ZSWIM6: variants seen among roughly 807,000 people sequenced by gnomAD.
ZSWIM6 encodes zinc finger SWIM domain-containing protein 6.
In ZSWIM6, 9 loss-of-function variants were observed where a neutral mutation model predicts 113.2. The observed-to-expected ratio is 0.08, with a 90% CI of 0.05 to 0.14. The LOEUF (loss-of-function observed/expected upper bound fraction) is 0.14. ZSWIM6 is among the 10% of genes least tolerant of loss of function. The pLI, the probability that ZSWIM6 is intolerant of heterozygous loss-of-function variation, is 1.00. For synonymous variants in ZSWIM6, 611 were observed against 606.5 expected (o/e 1.01, Z -0.11); for missense variants, 1,162 against 1,552.2 (o/e 0.75, Z 4.22).
chr5:61,366,445 C>CT (rs1745154247), intron 1 of ZSWIM6, among the ~76,000 whole-genome samples: 1 of 152,190 alleles, frequency 6.6e-6, no homozygotes, highest in Non-Finnish European at 1.5e-5. Context: ...GAATAAGCAA[C>CT]TCAAACTCTA....
Position 61,531,517 on chromosome 5 carries a change from A to G in ZSWIM6, c.2037A>G (p.Lys679=), listed in dbSNP as rs1356212860. 4 of 1,551,596 alleles carry G rather than the reference A, an allele frequency of 2.6e-6. No individual in the cohort carries two copies. The African/African-American group carries it at 5.5e-5, about 21-fold the overall frequency. ...SLEYQHLPAH[K]FLEEGESYLT... is the part of the protein sequence containing the mutation. ...AATACCAGCATCTACCTGCACACAA[A>G]TTCTTAGAAGAAGGGGAATCCTATT... is the stretch of plus-strand genomic sequence containing the variant. The change falls in exon 9 of 14, where the codon AAA becomes AAG. Residue 679 remains lysine (K), a synonymous_variant. Coordinates refer to ENST00000252744, the MANE Select transcript of ZSWIM6 (RefSeq NM_020928.2).
Position 61,416,987 on chromosome 5 carries a change from CAAAAAT to C in ZSWIM6, c.677-55693_677-55688del. On this transcript the variant is annotated intron_variant, in intron 1 of 13. Transcript: ENST00000252744. Reference sequence around the variant, plus strand: ...TGAAACCTCATCTCTACTAAAAATACAAAAATTAGCCAGGCGTAGTGGCACATGCTT... The same window carrying C: ...TGAAACCTCATCTCTACTAAAAATACTAGCCAGGCGTAGTGGCACATGCTT... 1.3e-5 allele frequency among the ~76,000 whole-genome samples: 2 copies of C among 152,164 alleles called. 1 individual carries two copies. Among genetic ancestry groups the C allele is most frequent in the Non-Finnish European group, 2.9e-5 (2 of 68,006 alleles).
At chr5:61,451,581 T>A (rs1747087711) in intron 1 of ZSWIM6, among the ~76,000 whole-genome samples, 1 of 152,154 alleles carries the variant, frequency 6.6e-6, no homozygotes, top group Admixed American at 6.6e-5. Flanking sequence ...TAGACAAACT[T>A]CTTGTTTTTG....
intron 1 of ZSWIM6, among the ~76,000 whole-genome samples, chr5:61,371,987 C>A (rs926575588): frequency 6.6e-6 from 1 of 151,942 alleles, no homozygotes; most frequent in Non-Finnish European, 1.5e-5. Flanking sequence ...TAAATGTAAG[C>A]AGATCTTTAA....
At chr5:61,494,948 T>A (rs992179858) in intron 4 of ZSWIM6, among the ~76,000 whole-genome samples, 3 of 152,084 alleles carry the variant, frequency 2.0e-5, no homozygotes, top group Non-Finnish European at 4.4e-5. Flanking sequence ...TAGCAAGTGT[T>A]CAAAAAAATG....
chr5:61,356,768 TAA>T (rs1491216898), intron 1 of ZSWIM6, among the ~76,000 whole-genome samples: 5 of 140,256 alleles, frequency 3.6e-5, no homozygotes, highest in Non-Finnish European at 6.1e-5. Context: ...ATAATATGTA[TAA>T]TATATATATA....
intron 13 of ZSWIM6, among the ~76,000 whole-genome samples, chr5:61,542,205 A>G (rs904051167): frequency 6.6e-6 from 1 of 152,256 alleles, no homozygotes; most frequent in East Asian, 1.9e-4. Flanking sequence ...TTAAAATGGT[A>G]TAAGTCAGTG....
At chr5:61,382,721 C>T (rs1745510170) in intron 1 of ZSWIM6, among the ~76,000 whole-genome samples, 1 of 151,998 alleles carries the variant, frequency 6.6e-6, no homozygotes, top group Non-Finnish European at 1.5e-5. Context: ...AGGAGGATCA[C>T]TTTAATCTGG....
chr5:61,339,187 C>G (rs1426400611), intron 1 of ZSWIM6, among the ~76,000 whole-genome samples: 1 of 152,080 alleles, frequency 6.6e-6, no homozygotes, highest in South Asian at 2.1e-4. Flanking sequence ...TAAGAGTTGT[C>G]CCTTTGAAAA....
intron 4 of ZSWIM6, among the ~76,000 whole-genome samples, chr5:61,505,622 C>T (rs1748582522): frequency 4.2e-5 from 3 of 71,868 alleles, no homozygotes; most frequent in Admixed American, 1.1e-4. Flanking sequence ...TTCCTTCCTT[C>T]CTTCCTTCCT....
At chr5:61,436,768 A>G (rs138590966) in intron 1 of ZSWIM6, among the ~76,000 whole-genome samples, 162 of 152,362 alleles carry the variant, frequency 1.1e-3, no homozygotes, top group African/African-American at 3.6e-3. Context: ...ATCAGAAAGT[A>G]GAGCAAGATG....
intron 4 of ZSWIM6, among the ~76,000 whole-genome samples, chr5:61,518,620 A>G (rs1749027444): frequency 6.6e-6 from 1 of 152,070 alleles, no homozygotes; most frequent in African/African-American, 2.4e-5. Context: ...TCCTTTGCCC[A>G]CTTTTTGATG....
chr5:61,368,490 A>G (rs1745204425), intron 1 of ZSWIM6, among the ~76,000 whole-genome samples: 1 of 152,208 alleles, frequency 6.6e-6, no homozygotes, highest in Admixed American at 6.5e-5. Flanking sequence ...GTAGAAAACA[A>G]GAGAGAAAAA....
chr5:61,444,854 G>T (rs1052179598), intron 1 of ZSWIM6, among the ~76,000 whole-genome samples: 1 of 152,080 alleles, frequency 6.6e-6, no homozygotes, highest in Admixed American at 6.5e-5. Context: ...AGTACTTTTT[G>T]TGTACTTCTC....
At chr5:61,377,776 AAGAT>A (rs922523343) in intron 1 of ZSWIM6, among the ~76,000 whole-genome samples, 6 of 152,192 alleles carry the variant, frequency 3.9e-5, no homozygotes, top group Non-Finnish European at 8.8e-5. Context: ...CAGCTCCACA[AAGAT>A]AGACAAATTT....
At chr5:61,523,097 AC>A (rs768252897) in intron 5 of ZSWIM6, among the ~76,000 whole-genome samples, 106 of 152,334 alleles carry the variant, frequency 7.0e-4, no homozygotes, top group Non-Finnish European at 1.4e-3. Context: ...CAGGGTACCT[AC>A]TTTTAGCAGA....
At chr5:61,344,478 C>T (rs1354171506) in intron 1 of ZSWIM6, among the ~76,000 whole-genome samples, 1 of 152,204 alleles carries the variant, frequency 6.6e-6, no homozygotes, top group Non-Finnish European at 1.5e-5. Context: ...TTCTTTCTTT[C>T]TTTCCTTTCT....
rs1164443483 is a variant in ZSWIM6, at chr5:61,505,660, T to C, written c.1333+11250T>C. 2.8e-3 allele frequency among the ~76,000 whole-genome samples: 291 copies of C among 104,744 alleles called. 10 individuals carry two copies. The highest frequency in any genetic ancestry group is 2.9e-3 in the Non-Finnish European group (141 of 48,232). 68.7% of individuals were successfully genotyped at this position (104,744 alleles called of 152,430 possible). A position where few individuals can be genotyped will look rare whatever the true frequency, so the allele number is the denominator to read the frequency against. On this transcript the variant is annotated intron_variant, in intron 4 of 13. Transcript: ENST00000252744. ...CTTCCTTCCTTCCTTCCTTCCTTCC[T>C]TCCTTCCTTCCTTCTTTCCTTGCCT...
At chr5:61,372,939 C>A (rs1168358422) in intron 1 of ZSWIM6, among the ~76,000 whole-genome samples, 1 of 151,854 alleles carries the variant, frequency 6.6e-6, no homozygotes, top group African/African-American at 2.4e-5. Flanking sequence ...TTTGTAGGAA[C>A]ATTTCTTAAA....
Sources: allele counts gnomAD v4.1 joint callset (sites outside exome capture counted in the v4.1 genomes callset), GRCh38; gene constraint gnomAD v4.1.1; transcripts MANE v1.5; gene names NCBI Gene and HGNC (gene_info 2026-07-23, HGNC 2026-07-21).